Variants in DACT1 observed in about 807,000 individuals in gnomAD.
DACT1 encodes the protein dishevelled binding antagonist of beta catenin 1.
Under a neutral mutation model 35.3 loss-of-function variants are expected in DACT1, and 19 were observed. The ratio of observed to expected loss-of-function variants is 0.54; its 90% CI spans 0.38 to 0.79. The LOEUF (loss-of-function observed/expected upper bound fraction) is 0.79. DACT1 is among the 30% of genes least tolerant of loss of function. The probability of loss-of-function intolerance (pLI) is 0.00; values close to 1 mark genes in which losing one functional copy is unlikely to be tolerated. For synonymous variants in DACT1, 545 were observed against 466.7 expected (o/e 1.17, Z -2.16); for missense variants, 1,143 against 1,057.5 (o/e 1.08, Z -1.12).
chr14:58,646,446 G>A lies in DACT1; in HGVS notation c.1712G>A (p.Gly571Glu), dbSNP rs1292872434. 1 of 1,585,012 alleles carries A rather than the reference G, an allele frequency of 6.3e-7. No homozygotes were observed. Among genetic ancestry groups the A allele is most frequent in the Non-Finnish European group, 8.6e-7 (1 of 1,168,884 alleles). ...ACCGTCAGGGAGAAAACGCGGGCCG[G>A]GAGCAAGAAGTGTCGCTTCCCAGAT... ...LPTVREKTRA[G>E]SKKCRFPDDL... Residue 571 changes from glycine (G) to glutamate (E), a missense_variant, in exon 4 of 4, where the codon GGG (glycine) becomes GAG (glutamate). Around this residue, in one of 3 missense-constraint regions of DACT1, gnomAD observed 1,054 missense variants for 958.8 expected, o/e 1.10. Coordinates refer to ENST00000395153, the MANE Select transcript of DACT1 (RefSeq NM_001079520.2).
chr14:58,646,711 CGGT>C lies in DACT1; in HGVS notation c.1978_1980del (p.Gly660del), dbSNP rs775216787. On this transcript the variant is annotated inframe_deletion, in exon 4 of 4. Transcript: ENST00000395153. ...AAGAGGCCCTGAGGAGGGCCCGGCG[CGGT>C]CGCCGGGAGAATGTGGGGCTGTACC... is the stretch of plus-strand genomic sequence containing the variant. 1 of 1,613,280 alleles carries C rather than the reference CGGT, an allele frequency of 6.2e-7. No individual in the cohort carries two copies. Among genetic ancestry groups the C allele is most frequent in the South Asian group, 1.1e-5 (1 of 91,072 alleles).
chr14:58,641,693 T>TGCA lies in DACT1; in HGVS notation c.583_585dup (p.Ser195dup), dbSNP rs1220001336. 6.2e-7 allele frequency: 1 copy of TGCA among 1,614,254 alleles called. No homozygotes were observed. The highest frequency in any genetic ancestry group is 1.7e-5 in the Admixed American group (1 of 60,028). ...CAGTTGTCATTCCAGCACCTGCTTT[T>TGCA]GCAGCCCCTTGGAGGCGACCTTGAG... On this transcript the variant is annotated inframe_insertion, in exon 3 of 4. Transcript: ENST00000395153.
chr14:58,646,305 C>T lies in DACT1; in HGVS notation c.1571C>T (p.Pro524Leu). 7.4e-6 allele frequency: 12 copies of T among 1,610,790 alleles called. No individual in the cohort carries two copies. Among genetic ancestry groups the T allele is most frequent in the Non-Finnish European group, 1.0e-5 (12 of 1,179,212 alleles). The change falls in exon 4 of 4, where the codon CCG becomes CTG. Residue 524 changes from proline to leucine, a missense_variant. Around this residue, in one of 3 missense-constraint regions of DACT1, gnomAD observed 1,054 missense variants for 958.8 expected, o/e 1.10. Coordinates refer to ENST00000395153, the MANE Select transcript of DACT1 (RefSeq NM_001079520.2). Reference protein sequence around the residue: ...EAHLVKAQFIPGQQPSVRLHR... With the variant: ...EAHLVKAQFILGQQPSVRLHR... ...CACCTGGTCAAGGCCCAGTTTATCCCGGGGCAGCAGCCCAGTGTCAGGCTC... is the reference window on the plus strand; with the variant it reads ...CACCTGGTCAAGGCCCAGTTTATCCTGGGGCAGCAGCCCAGTGTCAGGCTC...
At chr14:58,641,900 C>G (rs1292984587) in intron 3 of DACT1, among the ~76,000 whole-genome samples, 153 bp downstream of exon 3, 2 of 152,226 alleles carry the variant, frequency 1.3e-5, no homozygotes. Flanking sequence ...AACTCAGTTT[C>G]ATCTAGGTGA....
chr14:58,637,684 G>C (rs1196886731), upstream of DACT1, among the ~76,000 whole-genome samples: 1 of 151,884 alleles, frequency 6.6e-6, no homozygotes, highest in Non-Finnish European at 1.5e-5. Context: ...TGGGCGACGA[G>C]AAAGAGCCAA....
chr14:58,644,698 A>G (rs555026227), intron 3 of DACT1, among the ~76,000 whole-genome samples: 74 of 152,392 alleles, frequency 4.9e-4, no homozygotes, highest in Non-Finnish European at 9.3e-4. Flanking sequence ...ATGAGGAGAA[A>G]GCCTACTGAA....
chr14:58,639,835 C>A (rs2047610520), intron 1 of DACT1, among the ~76,000 whole-genome samples: 1 of 152,228 alleles, frequency 6.6e-6, no homozygotes, highest in Non-Finnish European at 1.5e-5. Context: ...TTCATTTGAG[C>A]CAGTTCTCAC....
chr14:58,635,384 T>C (rs565648550), upstream of DACT1, among the ~76,000 whole-genome samples: 1 of 152,304 alleles, frequency 6.6e-6, no homozygotes, highest in African/African-American at 2.4e-5. Flanking sequence ...TCTGATGACA[T>C]TGGGAGTTTT....
upstream of DACT1, among the ~76,000 whole-genome samples, chr14:58,634,336 A>C (rs1316407432): frequency 6.6e-6 from 1 of 152,202 alleles, no homozygotes; most frequent in Non-Finnish European, 1.5e-5. Context: ...TTCTGCCCTC[A>C]AAAGATGTTT....
At chr14:58,642,211 G>C (rs1035943167) in intron 3 of DACT1, among the ~76,000 whole-genome samples, 18 of 152,066 alleles carry the variant, frequency 1.2e-4, no homozygotes, top group Admixed American at 9.8e-4. Flanking sequence ...GGTTGGCCCG[G>C]TGCAGTGGCT....
At chr14:58,637,769 G>T (rs2047584835), upstream of DACT1, among the ~76,000 whole-genome samples, 1 of 151,868 alleles carries the variant, frequency 6.6e-6, no homozygotes, top group Admixed American at 6.6e-5. Flanking sequence ...AGCGGGGGAG[G>T]AGGCGGGGAG....
chr14:58,645,307 C>A, intron 3 of DACT1, 62 bp from the exon 4 acceptor site: 1 of 1,614,182 alleles, frequency 6.2e-7, no homozygotes, highest in Non-Finnish European at 8.5e-7. Context: ...AAGACCAGGC[C>A]TCAGGGGCAG....
intron 1 of DACT1, 85 bp from the exon 2 acceptor site, chr14:58,640,651 T>C: frequency 1.9e-6 from 3 of 1,546,096 alleles, no homozygotes; most frequent in Non-Finnish European, 2.6e-6. Context: ...ACTCTTCAGA[T>C]GGGTAATTTG....
rs2047593468 is a variant in DACT1 at position 58,638,333 on chromosome 14, C to CCCT, written c.133_134insTCC (p.Thr44_Arg45insLeu). 1 of 1,316,662 alleles carries CCCT rather than the reference C, an allele frequency of 7.6e-7. No homozygotes were observed. The highest frequency in any genetic ancestry group is 1.5e-5 in the African/African-American group (1 of 64,788). The allele number at this position is 1,316,662 out of a possible 1,614,324, so 81.6% of individuals were successfully genotyped here. On this transcript the variant is annotated inframe_insertion, in exon 1 of 4. Coordinates refer to ENST00000395153, the MANE Select transcript of DACT1 (RefSeq NM_001079520.2). ...GAGGCAGACACCGAGCGGCAGCGCACCCGGGAGCGGCAGGAGGCCACGCTG... is the reference window on the plus strand; with the variant it reads ...GAGGCAGACACCGAGCGGCAGCGCACCCTCCGGGAGCGGCAGGAGGCCACGCTG...
Position 58,646,279 on chromosome 14 carries a change from G to A in DACT1, c.1545G>A (p.Ala515=), listed in dbSNP as rs571594579. ...SEGSSQSLEE[A]HLVKAQFIPG... ...GCTCTTCCCAAAGCCTGGAGGAAGC[G>A]CACCTGGTCAAGGCCCAGTTTATCC... Residue 515 remains alanine (A), a synonymous_variant, in exon 4 of 4, where the codon GCG becomes GCA. Transcript: ENST00000395153. 1 of 1,613,128 alleles carries A rather than the reference G, an allele frequency of 6.2e-7. No homozygotes were observed. Among genetic ancestry groups the A allele is most frequent in the African/African-American group, 1.3e-5 (1 of 74,972 alleles).
At position 58,638,008 on chromosome 14, in the gene DACT1, C is replaced by CGGCG; in HGVS notation, c.-194_-191dup. On this transcript the variant is annotated 5_prime_UTR_variant, in exon 1 of 4. Transcript: ENST00000395153. ...GCGAGGGACGCGCGGCGACAGCGGA[C>CGGCG]GGCGCTGCCCGGGCCGGGACAGCAG... The CGGCG allele has an allele frequency of 2.5e-6, 1 of 398,244 alleles. No homozygotes were observed. Among genetic ancestry groups the CGGCG allele is most frequent in the East Asian group, 5.4e-5 (1 of 18,584 alleles). The allele number at this position is 398,244 out of a possible 1,614,324, so 24.7% of individuals were successfully genotyped here.
chr14:58,638,244 TCC>T lies in DACT1; in HGVS notation c.43_44del (p.Pro15GlyfsTer118). 7.3e-7 allele frequency: 1 copy of T among 1,365,530 alleles called. No individual in the cohort carries two copies. The highest frequency in any genetic ancestry group is 1.7e-5 in the South Asian group (1 of 59,882). 84.6% of individuals were successfully genotyped at this position (1,365,530 alleles called of 1,614,324 possible). A position where few individuals can be genotyped will look rare whatever the true frequency, so the allele number is the denominator to read the frequency against. On this transcript the variant is annotated frameshift_variant, in exon 1 of 4. Transcript: ENST00000395153. LOFTEE classifies it high-confidence loss of function. ...CCGGGACGGCGAAGGAGCTGGAGCC[TCC>T]GGCGCCGGCCCGAGGCGAGCAGCGC... is the stretch of plus-strand genomic sequence containing the variant. ...PAGTAKELEP[P>X]APARGEQRTA...
At position 58,647,832 on chromosome 14, in the gene DACT1, CCTT is replaced by C. The variant is rs1373573169; in HGVS notation, c.*702_*704del. On this transcript the variant is annotated 3_prime_UTR_variant, in exon 4 of 4. Coordinates refer to ENST00000395153, the MANE Select transcript of DACT1 (RefSeq NM_001079520.2). Reference sequence around the variant, plus strand: ...GGGCCGTTTATCCAACATTTAGATGCCTTCTTTTCCCTCCCTAATTTGTAGCCA... The same window carrying C: ...GGGCCGTTTATCCAACATTTAGATGCCTTTTCCCTCCCTAATTTGTAGCCA... 6.0e-6 allele frequency: 1 copy of C among 167,102 alleles called. No individual in the cohort carries two copies. The highest frequency in any genetic ancestry group is 2.4e-5 in the African/African-American group (1 of 41,454). 10.4% of individuals were successfully genotyped at this position (167,102 alleles called of 1,614,324 possible).
rs201839104 is a variant in DACT1 at position 58,645,377 on chromosome 14, C to A, written c.643C>A (p.Pro215Thr). The A allele has an allele frequency of 1.2e-6, 2 of 1,614,206 alleles. No individual in the cohort carries two copies. Among genetic ancestry groups the A allele is most frequent in the Non-Finnish European group, 1.7e-6 (2 of 1,180,032 alleles). Residue 215 changes from proline (P) to threonine (T), a missense_variant, in exon 4 of 4, where the codon CCC (proline) becomes ACC (threonine). Physicochemically the swap from Pro to Thr is conservative, Grantham distance 38. Transcript: ENST00000395153. Reference protein sequence around the residue: ...DGCPKSADVNPKYQCDLVSKN... With the variant: ...DGCPKSADVNTKYQCDLVSKN... ...CCTTGATGTCATTGCAGATGTGAAT[C>A]CCAAGTACCAGTGTGATCTGGTGTC...
Sources: gnomAD v4.1 joint callset for allele counts (sites outside exome capture counted in the v4.1 genomes callset) on GRCh38, gnomAD v4.1.1 for gene constraint, gnomAD v4.1.1 regional missense constraint, MANE v1.5 for transcripts, NCBI Gene and HGNC (gene_info 2026-07-23, HGNC 2026-07-21) for gene names.